Variants in KIF15 observed in about 807,000 individuals in gnomAD.
KIF15 encodes kinesin family member 15, also known as kinesin-like protein KIF15.
In KIF15, 140 loss-of-function variants were observed where a neutral mutation model predicts 190.6. The ratio of observed to expected loss-of-function variants is 0.73; its 90% CI spans 0.64 to 0.84. KIF15 has a LOEUF of 0.84. Ranked by LOEUF, KIF15 falls within the 40% of genes least tolerant of loss-of-function variation. The pLI is 0.00. For missense variants in KIF15, 1,372 were observed against 1,584.4 expected (o/e 0.87, Z 2.28); for synonymous variants, 528 against 551.3 (o/e 0.96, Z 0.59).
At chr3:44,854,461 C>T (rs1303158095), downstream of KIF15, among the ~76,000 whole-genome samples, 2 of 151,440 alleles carry the variant, frequency 1.3e-5, no homozygotes, top group African/African-American at 4.9e-5. Flanking sequence ...GTTGAACTCT[C>T]AAGGAATAAT....
chr3:44,837,598 A>G (rs1434836569), intron 26 of KIF15, among the ~76,000 whole-genome samples: 1 of 152,156 alleles, frequency 6.6e-6, no homozygotes, highest in Non-Finnish European at 1.5e-5. Context: ...CTATGTACAC[A>G]CATATATATG....
rs1424463281 is a variant in KIF15 at position 44,852,345 on chromosome 3, C to A, written c.4104+6C>A. 3 of 1,596,694 alleles carry A rather than the reference C, an allele frequency of 1.9e-6. No homozygotes were observed. The highest frequency in any genetic ancestry group is 1.3e-5 in the African/African-American group (1 of 74,234). On this transcript the variant is annotated splice_donor_region_variant and intron_variant, in intron 34 of 34. Coordinates refer to ENST00000326047, the MANE Select transcript of KIF15 (RefSeq NM_020242.3). ...AAAATGTCAGGCTTGCTGAGGTAAACCTAAAAATTATTCTGAATAAATTCT... is the reference window on the plus strand; with the variant it reads ...AAAATGTCAGGCTTGCTGAGGTAAAACTAAAAATTATTCTGAATAAATTCT...
chr3:44,831,339 T>C (rs1365391214), intron 26 of KIF15, among the ~76,000 whole-genome samples: 1 of 152,206 alleles, frequency 6.6e-6, no homozygotes, highest in African/African-American at 2.4e-5. Context: ...AATGTATTAT[T>C]GTATAGTGTA....
intron 2 of KIF15, among the ~76,000 whole-genome samples, chr3:44,775,004 G>T (rs567111152): frequency 6.6e-5 from 10 of 152,188 alleles, no homozygotes; most frequent in Non-Finnish European, 1.5e-4. Context: ...GGAGGCTGAG[G>T]CAGGTGAATC....
chr3:44,836,483 A>G (rs150306113), intron 26 of KIF15, among the ~76,000 whole-genome samples: 144 of 152,328 alleles, frequency 9.5e-4, no homozygotes, highest in African/African-American at 3.3e-3. Flanking sequence ...GGAAGATTAT[A>G]CAATATTAAA....
chr3:44,795,990 T>G (rs748738597), intron 8 of KIF15, among the ~76,000 whole-genome samples: 2 of 152,078 alleles, frequency 1.3e-5, no homozygotes, highest in Non-Finnish European at 2.9e-5. Context: ...GCCTCCCAAG[T>G]AGCTGAGATT....
intron 8 of KIF15, among the ~76,000 whole-genome samples, chr3:44,796,897 G>A (rs1707016607): frequency 2.0e-5 from 3 of 152,024 alleles, no homozygotes; most frequent in Admixed American, 2.0e-4. Flanking sequence ...ATTGAAAAAA[G>A]TACCTATTAA....
chr3:44,824,901 A>G (rs758565372), intron 20 of KIF15, among the ~76,000 whole-genome samples: 1 of 152,182 alleles, frequency 6.6e-6, no homozygotes, highest in Non-Finnish European at 1.5e-5. Flanking sequence ...CTGGGACTAC[A>G]GGCACATGCC....
At chr3:44,765,674 T>C (rs1705343437) in intron 1 of KIF15, among the ~76,000 whole-genome samples, 1 of 152,234 alleles carries the variant, frequency 6.6e-6, no homozygotes, top group Non-Finnish European at 1.5e-5. Context: ...TTCTTTCATA[T>C]TTCTTGTGAC....
At chr3:44,800,877 A>G (rs556685030) in intron 11 of KIF15, among the ~76,000 whole-genome samples, 9 of 152,276 alleles carry the variant, frequency 5.9e-5, no homozygotes, top group East Asian at 3.9e-4. Flanking sequence ...TAAAAAATCT[A>G]CTTCTACTTC....
chr3:44,836,866 G>C (rs1014835706), intron 26 of KIF15, among the ~76,000 whole-genome samples: 4 of 152,210 alleles, frequency 2.6e-5, no homozygotes, highest in Non-Finnish European at 4.4e-5. Flanking sequence ...GTAACCATGT[G>C]TGGAAAAGCA....
intron 1 of KIF15, among the ~76,000 whole-genome samples, chr3:44,763,358 G>C (rs1244989065): frequency 6.6e-6 from 1 of 152,206 alleles, no homozygotes; most frequent in East Asian, 1.9e-4. Context: ...CTGGAGTGCA[G>C]TGGTGCGATA....
intron 1 of KIF15, among the ~76,000 whole-genome samples, chr3:44,771,568 G>A (rs1705641639): frequency 1.3e-5 from 2 of 152,182 alleles, no homozygotes; most frequent in South Asian, 4.1e-4. Flanking sequence ...ATTTTGGGAA[G>A]CCTGTTGAAT....
chr3:44,821,953 C>G (rs1226916577), intron 20 of KIF15, among the ~76,000 whole-genome samples: 6 of 152,218 alleles, frequency 3.9e-5, no homozygotes, highest in Non-Finnish European at 8.8e-5. Context: ...GAAACCCCGT[C>G]TCCACCAAAA....
rs1213768326 is a variant in KIF15, at chr3:44,801,457, G to T, written c.1230G>T (p.Lys410Asn). 1 of 1,554,086 alleles carries T rather than the reference G, an allele frequency of 6.4e-7. No individual in the cohort carries two copies. The highest frequency in any genetic ancestry group is 1.4e-5 in the African/African-American group (1 of 73,356). The change falls in exon 12 of 35, where the codon AAG becomes AAT. Residue 410 changes from lysine to asparagine, a missense_variant. Transcript: ENST00000326047. ...PPESFLTRDK[K>N]KTNYMEYFQE... is the part of the protein sequence containing the mutation. Reference sequence around the variant, plus strand: ...TTATTGGATCAATTACAGACAAAAAGAAGACTAACTATATGGAGTATTTCC... The same window carrying T: ...TTATTGGATCAATTACAGACAAAAATAAGACTAACTATATGGAGTATTTCC...
chr3:44,864,476 C>G (rs917836650), intron 6 of KIF15: 65 of 1,028,044 alleles, frequency 6.3e-5, no homozygotes, highest in Non-Finnish European at 8.8e-5. Flanking sequence ...GGCTTGACCC[C>G]TGGATGAGTG....
In KIF15 at chr3:44,778,753, T is replaced by C. The variant is rs920470247; in HGVS notation, c.323+562T>C. 1.2e-3 allele frequency among the ~76,000 whole-genome samples: 176 copies of C among 151,774 alleles called. 1 individual carries two copies. Among genetic ancestry groups the C allele is most frequent in the African/African-American group, 3.9e-3 (160 of 41,432 alleles). On this transcript the variant is annotated intron_variant, in intron 4 of 34. Coordinates refer to ENST00000326047, the MANE Select transcript of KIF15 (RefSeq NM_020242.3). ...TAGCACTTTGGGAGGCTGAGGTGGA[T>C]GGGTCACTGGAGTTCAGGAGTTCAA...
At chr3:44,840,272 G>T in intron 27 of KIF15, 83 bp from the exon 28 acceptor site, 1 of 735,538 alleles carries the variant, frequency 1.4e-6, no homozygotes, top group Non-Finnish European at 2.3e-6. Flanking sequence ...CTGATGATTG[G>T]TGATGGGAAG....
At chr3:44,828,393 G>T (rs963260900) in intron 24 of KIF15, 93 bp downstream of exon 24, 1 of 797,576 alleles carries the variant, frequency 1.3e-6, no homozygotes, top group South Asian at 1.5e-5. Flanking sequence ...CACCTCCAGG[G>T]TGACCAATAG....
Sources: allele counts gnomAD v4.1 joint callset (sites outside exome capture counted in the v4.1 genomes callset), GRCh38; gene constraint gnomAD v4.1.1; transcripts MANE v1.5; gene names NCBI Gene and HGNC (gene_info 2026-07-23, HGNC 2026-07-21).